The following ADGB variants were observed in gnomAD, a reference collection of about 807,000 sequenced individuals.
ADGB encodes the protein calpain-7-like protein.
A neutral mutation model predicts 210.5 loss-of-function variants in ADGB; 172 were observed. The ratio of observed to expected loss-of-function variants is 0.82; its 90% CI spans 0.72 to 0.93. The LOEUF is 0.93. Ranked by LOEUF, ADGB falls within the 40% of genes least tolerant of loss-of-function variation. The pLI is 0.00. For missense variants in ADGB, 2,025 were observed against 1,964.8 expected (o/e 1.03, Z -0.58); for synonymous variants, 658 against 662.7 (o/e 0.99, Z 0.11).
At chr6:146,718,416 C>T (rs1386824893) in intron 16 of ADGB, among the ~76,000 whole-genome samples, 3 of 150,642 alleles carry the variant, frequency 2.0e-5, no homozygotes, top group African/African-American at 7.3e-5. Flanking sequence ...TGGCATTTGC[C>T]TCCCACCCTC....
intron 5 of ADGB, among the ~76,000 whole-genome samples, chr6:146,661,220 CTTT>C (rs5880682): frequency 8.4e-4 from 98 of 116,066 alleles, no homozygotes; most frequent in East Asian, 3.7e-3. Flanking sequence ...TTCTTTTTTT[CTTT>C]TTTTTTTTTT....
chr6:146,775,399 A>C (rs1268144170), intron 29 of ADGB, among the ~76,000 whole-genome samples: 1 of 152,158 alleles, frequency 6.6e-6, no homozygotes, highest in Non-Finnish European at 1.5e-5. Flanking sequence ...CAACAGTGCC[A>C]CCTTTAGTAT....
chr6:146,697,616 C>CA (rs970353314), intron 12 of ADGB, among the ~76,000 whole-genome samples: 10 of 150,288 alleles, frequency 6.7e-5, no homozygotes, highest in African/African-American at 1.7e-4. Flanking sequence ...AGCATGGAGA[C>CA]AAAAAAAATG....
chr6:146,620,157 T>C (rs1457380695), intron 1 of ADGB, among the ~76,000 whole-genome samples: 1 of 152,164 alleles, frequency 6.6e-6, no homozygotes, highest in Non-Finnish European at 1.5e-5. Context: ...ATATTGGGAC[T>C]CCATTGAATG....
intron 1 of ADGB, among the ~76,000 whole-genome samples, chr6:146,625,911 G>A (rs1266584096): frequency 7.2e-5 from 11 of 151,960 alleles, no homozygotes; most frequent in African/African-American, 1.5e-4. Flanking sequence ...TACATTTAAT[G>A]TGATTATTAA....
chr6:146,631,629 G>A (rs1384160630), intron 1 of ADGB, among the ~76,000 whole-genome samples: 1 of 152,024 alleles, frequency 6.6e-6, no homozygotes, highest in East Asian at 1.9e-4. Context: ...CTTTGTCCAG[G>A]TACCATCCCA....
At position 146,788,382 on chromosome 6, in the gene ADGB, G is replaced by A; in HGVS notation, c.4316-7G>A. 4 of 1,550,786 alleles carry A rather than the reference G, an allele frequency of 2.6e-6. No individual in the cohort carries two copies. Among genetic ancestry groups the A allele is most frequent in the Middle Eastern group, 1.7e-4 (1 of 5,994 alleles). On this transcript the variant is annotated splice_polypyrimidine_tract_variant and splice_region_variant and intron_variant, in intron 32 of 35. Transcript: ENST00000397944. ...GCTTTTTCAGTAATGCACATGTCAT[G>A]TTGTAGTAGAAACAGCTGCACGTGG...
chr6:146,739,886 G>C (rs1200505839), intron 23 of ADGB, among the ~76,000 whole-genome samples: 1 of 152,194 alleles, frequency 6.6e-6, no homozygotes, highest in Non-Finnish European at 1.5e-5. Flanking sequence ...CTTCCAGGGG[G>C]AAAACGTGGA....
intron 1 of ADGB, among the ~76,000 whole-genome samples, chr6:146,624,287 A>G (rs1416366358): frequency 1.3e-5 from 2 of 151,844 alleles, no homozygotes; most frequent in African/African-American, 2.4e-5. Context: ...AATCCAATTT[A>G]TTTCTTCTTT....
At chr6:146,804,591 A>T (rs907736890) in intron 35 of ADGB, among the ~76,000 whole-genome samples, 1 of 152,190 alleles carries the variant, frequency 6.6e-6, no homozygotes, top group Admixed American at 6.5e-5. Flanking sequence ...CGTGCGATCA[A>T]TTGTCAGAAC....
intron 7 of ADGB, among the ~76,000 whole-genome samples, chr6:146,671,543 G>A (rs143249244): frequency 1.6e-4 from 24 of 152,198 alleles, no homozygotes; most frequent in African/African-American, 5.3e-4. Flanking sequence ...TTAGGTGGTT[G>A]TATGTGTGAG....
At position 146,750,904 on chromosome 6, in the gene ADGB, C is replaced by T. The variant is rs367725955; in HGVS notation, c.3366-1626C>T. On this transcript the variant is annotated intron_variant, in intron 26 of 35. Transcript: ENST00000397944. ...CTTTTTGTGTAATAGAGAGGGTTGA[C>T]GTGGCAGTAGTTTGCAGATCTATTA... 2.0e-4 allele frequency among the ~76,000 whole-genome samples: 31 copies of T among 152,190 alleles called. 1 individual carries two copies. Among genetic ancestry groups the T allele is most frequent in the African/African-American group, 6.5e-4 (27 of 41,538 alleles).
chr6:146,608,804 A>G (rs191282060), intron 1 of ADGB, among the ~76,000 whole-genome samples: 1 of 152,248 alleles, frequency 6.6e-6, no homozygotes, highest in African/African-American at 2.4e-5. Context: ...GGTTGATTTT[A>G]CCGTATGTGC....
intron 5 of ADGB, among the ~76,000 whole-genome samples, chr6:146,661,259 C>A (rs532249032): frequency 8.1e-6 from 1 of 123,190 alleles, no homozygotes; most frequent in Non-Finnish European, 1.6e-5. Context: ...CTGACTCTGT[C>A]GCTCAGGCTG....
chr6:146,665,756 A>G (rs1775929962), intron 6 of ADGB, among the ~76,000 whole-genome samples: 1 of 152,120 alleles, frequency 6.6e-6, no homozygotes, highest in Admixed American at 6.6e-5. Context: ...GTTTCCCTAC[A>G]TGGTACAATT....
chr6:146,775,228 T>G (rs1040005810), intron 29 of ADGB, among the ~76,000 whole-genome samples: 2 of 152,194 alleles, frequency 1.3e-5, no homozygotes, highest in Non-Finnish European at 2.9e-5. Flanking sequence ...ACATTTAATT[T>G]ATATGAAAAA....
At chr6:146,709,373 G>T (rs1776624297) in intron 13 of ADGB, among the ~76,000 whole-genome samples, 1 of 152,192 alleles carries the variant, frequency 6.6e-6, no homozygotes, top group South Asian at 2.1e-4. Flanking sequence ...GTCTGGGAAA[G>T]CCCTTCACCA....
rs187483846 is a variant in ADGB, at chr6:146,747,332, A to T, written c.3365+1223A>T. Among the ~76,000 whole-genome samples the T allele has an allele frequency of 1.2e-4, 18 of 152,334 alleles. No individual in the cohort carries two copies. In the East Asian group the frequency reaches 3.3e-3, roughly 28 times the overall value. On this transcript the variant is annotated intron_variant, in intron 26 of 35. Transcript: ENST00000397944. The stretch of plus-strand genomic sequence containing the variant: ...ATAGCAATTGTGATAAAATATTTTA[A>T]CTACTATGATAGAAAACTATCGTAT...
At chr6:146,673,109 G>A (rs372863230) in intron 8 of ADGB, among the ~76,000 whole-genome samples, 4 of 152,254 alleles carry the variant, frequency 2.6e-5, no homozygotes, top group African/African-American at 9.6e-5. Flanking sequence ...ACAAAATGTA[G>A]TATTCTGTTG....
Sources: gnomAD v4.1 joint callset for allele counts (sites outside exome capture counted in the v4.1 genomes callset) on GRCh38, gnomAD v4.1.1 for gene constraint, MANE v1.5 for transcripts, NCBI Gene and HGNC (gene_info 2026-07-23, HGNC 2026-07-21) for gene names.